CORO7: variants seen among roughly 807,000 people sequenced by gnomAD.
CORO7 encodes coronin-7.
Under a neutral mutation model 126.6 loss-of-function variants are expected in CORO7, and 107 were observed. The ratio of observed to expected loss-of-function variants is 0.85; its 90% confidence interval spans 0.72 to 0.99. CORO7 has a LOEUF of 0.99. Ranked by LOEUF, CORO7 falls within the 50% of genes least tolerant of loss-of-function variation. The pLI, the probability that CORO7 is intolerant of heterozygous loss-of-function variation, is 0.00. For missense variants in CORO7, 1,314 were observed against 1,255.8 expected, an observed-to-expected ratio of 1.05 and a Z score of -0.70; for synonymous variants, 603 against 536.8, an observed-to-expected ratio of 1.12 and a Z score of -1.70.
rs754433796 is a variant in CORO7, at chr16:4,412,413, G to T, written c.175C>A (p.Pro59Thr). The T allele has an allele frequency of 6.2e-7, 1 of 1,614,186 alleles. No homozygotes were observed. Among genetic ancestry groups the T allele is most frequent in the East Asian group, 2.2e-5 (1 of 44,878 alleles). Residue 59 changes from proline (P) to threonine (T), a missense_variant, in exon 3 of 28, where the codon CCT (proline) becomes ACT (threonine). Physicochemically the swap from Pro to Thr is conservative, Grantham distance 38. Coordinates refer to ENST00000251166, the MANE Select transcript of CORO7 (RefSeq NM_024535.5). ...SDRPGVLGIV[P>T]LQGQGEDKRR... ...TTGTCCTCTCCTTGGCCTTGCAGAG[G>T]CACAATGCCCAGTACACCTGTTAAA...
chr16:4,407,902 C>T (rs1243576026), intron 4 of CORO7, among the ~76,000 whole-genome samples: 4 of 152,174 alleles, frequency 2.6e-5, no homozygotes, highest in Non-Finnish European at 5.9e-5. Flanking sequence ...GCTCCTAGAC[C>T]ACACGGTGTG....
chr16:4,396,098 G>C (rs933122313), intron 6 of CORO7, among the ~76,000 whole-genome samples: 7 of 149,542 alleles, frequency 4.7e-5, no homozygotes, highest in African/African-American at 1.7e-4. Flanking sequence ...TTTCTTTTTT[G>C]AGACAGAGTT....
In CORO7 at chr16:4,364,993, C is replaced by A; in HGVS notation, c.898+10G>T. Reference sequence around the variant, plus strand: ...AGGGTAGGGGATGGGGGCGAGGAAGCAAGGCTTACCTGGGCTCAGCGCCGG... The same window carrying A: ...AGGGTAGGGGATGGGGGCGAGGAAGAAAGGCTTACCTGGGCTCAGCGCCGG... On this transcript the variant is annotated intron_variant, in intron 11 of 27. Coordinates refer to ENST00000251166, the MANE Select transcript of CORO7 (RefSeq NM_024535.5). 2 of 1,605,404 alleles carry A rather than the reference C, an allele frequency of 1.2e-6. No individual in the cohort carries two copies. Among genetic ancestry groups the A allele is most frequent in the East Asian group, 2.2e-5 (1 of 44,534 alleles).
intron 9 of CORO7, among the ~76,000 whole-genome samples, chr16:4,367,705 G>A (rs1014435685): frequency 2.0e-5 from 3 of 152,120 alleles, no homozygotes; most frequent in Admixed American, 1.3e-4. Flanking sequence ...CTGTGCAAAG[G>A]TCCTGTGGCA....
chr16:4,366,538 T>TC (rs2054355416), intron 9 of CORO7, among the ~76,000 whole-genome samples: 1 of 146,860 alleles, frequency 6.8e-6, no homozygotes, highest in Admixed American at 6.8e-5. Flanking sequence ...ATCTTTGCTT[T>TC]TTTTTTTTTT....
chr16:4,383,999 C>G (rs2055100094), intron 9 of CORO7, among the ~76,000 whole-genome samples: 1 of 152,228 alleles, frequency 6.6e-6, no homozygotes, highest in Admixed American at 6.5e-5. Context: ...TTTGCATGGC[C>G]CCAGCCCCAT....
chr16:4,383,104 G>T (rs758024548), intron 9 of CORO7: 13 of 596,892 alleles, frequency 2.2e-5, no homozygotes, highest in Admixed American at 3.7e-5. Flanking sequence ...GAGCCCTAAC[G>T]TCCCCAGAAC....
intron 9 of CORO7, among the ~76,000 whole-genome samples, chr16:4,378,792 AG>A (rs1172391802): frequency 2.6e-5 from 4 of 151,634 alleles, no homozygotes; most frequent in Non-Finnish European, 5.9e-5. Flanking sequence ...TAGGGAGGTG[AG>A]GGGGCACACG....
intron 9 of CORO7, chr16:4,381,227 A>G (rs1288526677): frequency 1.2e-5 from 19 of 1,612,098 alleles, no homozygotes; most frequent in Admixed American, 1.7e-5. Context: ...GAAATCACCA[A>G]TGAGACCTTC....
chr16:4,379,426 A>T (rs2054872085), intron 9 of CORO7, among the ~76,000 whole-genome samples: 1 of 151,960 alleles, frequency 6.6e-6, no homozygotes, highest in Non-Finnish European at 1.5e-5. Flanking sequence ...TAAGATCTGG[A>T]GCCTGGAGCG....
chr16:4,413,385 C>A lies in CORO7; in HGVS notation c.80G>T (p.Arg27Leu). 1 of 1,576,784 alleles carries A rather than the reference C, an allele frequency of 6.3e-7. No individual in the cohort carries two copies. Among genetic ancestry groups the A allele is most frequent in the Non-Finnish European group, 8.6e-7 (1 of 1,159,830 alleles). ...CCTGCATGAAGGGGCGGTTCCTGCT[C>A]GAATGTCACTGATCCAGGACTGAAA... ...PRRESWISDI[R>L]AGTAPSCRNH... Residue 27 changes from arginine to leucine, a missense_variant, in exon 2 of 28, where the codon CGA (arginine) becomes CTA (leucine). Physicochemically the swap from Arg to Leu is moderately radical, Grantham distance 102 (BLOSUM62 -2). Transcript: ENST00000251166.
intron 9 of CORO7, chr16:4,382,518 G>A (rs759387358): frequency 3.1e-6 from 5 of 1,591,770 alleles, no homozygotes; most frequent in Non-Finnish European, 4.3e-6. Flanking sequence ...CGGAGGGCGA[G>A]GAGGCCTGCG....
At chr16:4,405,329 G>A (rs528978140) in intron 6 of CORO7, 162 bp downstream of exon 6, 12 of 662,024 alleles carry the variant, frequency 1.8e-5, no homozygotes, top group South Asian at 6.2e-5. Flanking sequence ...GTAGGTGAGC[G>A]GGGGTGTGAG....
In CORO7 at chr16:4,400,691, G is replaced by A. The variant is rs149901691; in HGVS notation, c.564+4800C>T. On this transcript the variant is annotated intron_variant, in intron 6 of 27. Coordinates refer to ENST00000251166, the MANE Select transcript of CORO7 (RefSeq NM_024535.5). ...AAAAAGTAGCCGGGTGTGGTGGCAC[G>A]TGCCTGTAGTCCTAACTACACAGGA... 3.1e-3 allele frequency among the ~76,000 whole-genome samples: 473 copies of A among 151,726 alleles called. 4 individuals carry two copies. The highest frequency in any genetic ancestry group is 0.011 in the African/African-American group (455 of 41,370).
chr16:4,395,221 G>A (rs2055538413), intron 7 of CORO7, 68 bp downstream of exon 7: 1 of 1,610,234 alleles, frequency 6.2e-7, no homozygotes. Flanking sequence ...ACCTCCACCT[G>A]CTAGAACCAC....
At chr16:4,365,694 C>A in intron 9 of CORO7, 149 bp from the exon 10 acceptor site, 2 of 1,071,426 alleles carry the variant, frequency 1.9e-6, no homozygotes, top group Non-Finnish European at 2.7e-6. Context: ...GGAACCCCCT[C>A]CTCTTCCTGA....
intron 9 of CORO7, among the ~76,000 whole-genome samples, chr16:4,380,702 G>A (rs751760661): frequency 6.6e-6 from 1 of 152,234 alleles, no homozygotes; most frequent in African/African-American, 2.4e-5. Context: ...GGAGTGACGG[G>A]GCTGGGACAG....
intron 25 of CORO7, 94 bp downstream of exon 25, chr16:4,357,874 G>C (rs998722791): frequency 2.0e-6 from 3 of 1,518,666 alleles, no homozygotes; most frequent in African/African-American, 1.4e-5. Flanking sequence ...AGAGGATTCT[G>C]CGTGCCAACA....
chr16:4,379,526 G>A (rs1020095024), intron 9 of CORO7, among the ~76,000 whole-genome samples: 1 of 152,154 alleles, frequency 6.6e-6, no homozygotes, highest in Non-Finnish European at 1.5e-5. Flanking sequence ...GCTCGGACTT[G>A]CTGGCACCGC....
Sources: allele counts gnomAD v4.1 joint callset (sites outside exome capture counted in the v4.1 genomes callset), GRCh38; gene constraint gnomAD v4.1.1; transcripts MANE v1.5; gene names NCBI Gene and HGNC (gene_info 2026-07-23, HGNC 2026-07-21).